Variants in HS1BP3 observed in about 807,000 individuals in gnomAD.
HS1BP3 encodes HCLS1 binding protein 3.
A neutral mutation model predicts 33.5 loss-of-function variants in HS1BP3; 32 were observed. The ratio of observed to expected loss-of-function variants is 0.95; its 90% CI spans 0.72 to 1.28. HS1BP3 has a LOEUF of 1.28. Ranked by LOEUF, HS1BP3 falls within the 50% of genes most tolerant of loss-of-function variation. The probability of loss-of-function intolerance (pLI) is 0.00; values close to 1 mark genes in which losing one functional copy is unlikely to be tolerated. For synonymous variants in HS1BP3, 187 were observed against 209.2 expected (o/e 0.89, Z 0.92); for missense variants, 486 against 502.3 (o/e 0.97, Z 0.31).
chr2:20,640,928 C>G, intron 3 of HS1BP3, 45 bp downstream of exon 3: 1 of 1,593,602 alleles, frequency 6.3e-7, no homozygotes, highest in Non-Finnish European at 8.6e-7. Context: ...GGGCCTAGTT[C>G]TGGGCCGGGG....
intron 4 of HS1BP3, among the ~76,000 whole-genome samples, chr2:20,633,668 G>A (rs561632951): frequency 5.9e-5 from 9 of 152,214 alleles, no homozygotes; most frequent in Non-Finnish European, 1.3e-4. Context: ...GATTACAGGC[G>A]TGCCCCATCA....
chr2:20,563,699 A>T (rs191926649), intron 5 of HS1BP3, among the ~76,000 whole-genome samples: 1 of 152,124 alleles, frequency 6.6e-6, no homozygotes, highest in Admixed American at 6.5e-5. Context: ...TTCTTTTGCC[A>T]TTCCTGCACA....
chr2:20,573,776 A>G (rs2149273292), intron 5 of HS1BP3, among the ~76,000 whole-genome samples: 1 of 152,336 alleles, frequency 6.6e-6, no homozygotes, highest in East Asian at 1.9e-4. Flanking sequence ...AAAGCCCGGA[A>G]TCCAGACAGC....
At chr2:20,564,151 T>C (rs16987836) in intron 5 of HS1BP3, among the ~76,000 whole-genome samples, 34,964 of 152,192 alleles carry the variant, frequency 0.23, 4,960 homozygotes, top group East Asian at 0.39. Context: ...ACAGAGCATG[T>C]GAGAATTTGT....
downstream of HS1BP3, among the ~76,000 whole-genome samples, chr2:20,559,344 C>A (rs1018314860): frequency 6.6e-6 from 1 of 152,242 alleles, no homozygotes; most frequent in Non-Finnish European, 1.5e-5. Flanking sequence ...TCTGTCTGTT[C>A]CCAAGCACCT....
chr2:20,628,689 G>A (rs1047991357), intron 4 of HS1BP3, among the ~76,000 whole-genome samples: 3 of 152,010 alleles, frequency 2.0e-5, no homozygotes, highest in Admixed American at 6.5e-5. Flanking sequence ...GCTCTGTCAC[G>A]GCAGAGCACA....
At chr2:20,634,701 A>T (rs1695068380) in intron 4 of HS1BP3, 1 of 152,290 alleles carries the variant, frequency 6.6e-6, no homozygotes, top group Non-Finnish European at 1.5e-5. Context: ...CCACAGAATC[A>T]TTCCAGAGAA....
chr2:20,631,521 A>C (rs1425108308), intron 4 of HS1BP3, among the ~76,000 whole-genome samples: 179 of 57,416 alleles, frequency 3.1e-3, no homozygotes, highest in Middle Eastern at 7.9e-3. Context: ...TGTCTCAAAA[A>C]AAAAAAAAAA....
chr2:20,623,251 C>G (rs550646919), intron 6 of HS1BP3: 1 of 152,434 alleles, frequency 6.6e-6, no homozygotes, highest in East Asian at 1.9e-4. Context: ...AGGTGGCGTC[C>G]CACACTTGAT....
intron 2 of HS1BP3, among the ~76,000 whole-genome samples, chr2:20,608,190 T>C (rs1694239000): frequency 6.6e-6 from 1 of 152,212 alleles, no homozygotes; most frequent in African/African-American, 2.4e-5. Context: ...CAAATAAATG[T>C]GGTTCTCCTG....
intron 6 of HS1BP3, among the ~76,000 whole-genome samples, chr2:20,620,357 G>A (rs1694558082): frequency 6.6e-6 from 1 of 152,214 alleles, no homozygotes; most frequent in Admixed American, 6.5e-5. Flanking sequence ...GGTTCTCTGG[G>A]GTGTGTTCCC....
intron 2 of HS1BP3, among the ~76,000 whole-genome samples, chr2:20,601,826 TG>T (rs1487395582): frequency 8.2e-6 from 1 of 122,518 alleles, no homozygotes; most frequent in Admixed American, 1.2e-4. Flanking sequence ...TTGCCCAGGC[TG>T]GAGTGCAGTG....
At chr2:20,594,337 G>GGTGA (rs1329248796) in intron 3 of HS1BP3, among the ~76,000 whole-genome samples, 2 of 152,254 alleles carry the variant, frequency 1.3e-5, no homozygotes, top group African/African-American at 4.8e-5. Context: ...ATAGAGAAAA[G>GGTGA]ATCCTGGAGG....
At chr2:20,565,255 G>A (rs145158139) in intron 5 of HS1BP3, among the ~76,000 whole-genome samples, 231 of 152,302 alleles carry the variant, frequency 1.5e-3, no homozygotes, top group African/African-American at 5.2e-3. Context: ...TACCCAGGGT[G>A]CAATTGCTGC....
intron 2 of HS1BP3, among the ~76,000 whole-genome samples, chr2:20,598,610 G>C (rs1242106473): frequency 6.9e-6 from 1 of 144,358 alleles, no homozygotes; most frequent in Non-Finnish European, 1.5e-5. Context: ...CCAGGCTGGA[G>C]TGCAGTGGCG....
At chr2:20,617,564 G>A (rs1694457063), downstream of HS1BP3, among the ~76,000 whole-genome samples, 1 of 152,142 alleles carries the variant, frequency 6.6e-6, no homozygotes, top group African/African-American at 2.4e-5. Flanking sequence ...CACGGGCCAG[G>A]AGCTGAGACA....
intron 2 of HS1BP3, 30 bp downstream of exon 2, chr2:20,645,310 G>A (rs1355086542): frequency 1.2e-5 from 20 of 1,601,532 alleles, no homozygotes; most frequent in East Asian, 2.2e-5. Context: ...GGGCACCCTC[G>A]AAACATCCTG....
chr2:20,561,543 C>CA (rs1558314130), intron 5 of HS1BP3, among the ~76,000 whole-genome samples: 2 of 152,078 alleles, frequency 1.3e-5, no homozygotes, highest in African/African-American at 4.8e-5. Context: ...TACAACCCCT[C>CA]CCCACCTGCA....
At chr2:20,562,959 G>C (rs895550253) in intron 5 of HS1BP3, among the ~76,000 whole-genome samples, 33 of 152,110 alleles carry the variant, frequency 2.2e-4, no homozygotes, top group African/African-American at 7.2e-4. Flanking sequence ...TCCCCAGTAC[G>C]CGACACCAGT....
Sources: gnomAD v4.1 joint callset for allele counts (sites outside exome capture counted in the v4.1 genomes callset) on GRCh38, gnomAD v4.1.1 for gene constraint, MANE v1.5 for transcripts, NCBI Gene and HGNC (gene_info 2026-07-23, HGNC 2026-07-21) for gene names.